The following ZNRF2 variants were observed in gnomAD, a reference collection of about 807,000 sequenced individuals.
ZNRF2 encodes zinc and ring finger 2.
ZNRF2 carries 16 observed loss-of-function variants against 20.4 expected under a neutral mutation model. The ratio of observed to expected loss-of-function variants is 0.79; its 90% CI spans 0.53 to 1.19. The LOEUF is 1.19. Ranked by LOEUF, ZNRF2 falls within the 50% of genes most tolerant of loss-of-function variation. ZNRF2 has a pLI of 0.00. For synonymous variants in ZNRF2, 178 were observed against 144.9 expected, an observed-to-expected ratio of 1.23 and a Z score of -1.64; for missense variants, 363 against 332.4, an observed-to-expected ratio of 1.09 and a Z score of -0.72.
intron 1 of ZNRF2, among the ~76,000 whole-genome samples, chr7:30,291,442 G>C (rs573825645): frequency 1.3e-5 from 2 of 152,280 alleles, no homozygotes; most frequent in East Asian, 3.9e-4. Context: ...GGAGGAGAGT[G>C]TGATAGCAGG....
chr7:30,330,715 A>G (rs1162031081), intron 2 of ZNRF2, among the ~76,000 whole-genome samples: 1 of 152,066 alleles, frequency 6.6e-6, no homozygotes, highest in African/African-American at 2.4e-5. Context: ...ACACATTTTA[A>G]TCTTTCTGAA....
chr7:30,299,537 G>T (rs1799074419), intron 1 of ZNRF2, among the ~76,000 whole-genome samples: 1 of 151,856 alleles, frequency 6.6e-6, no homozygotes, highest in South Asian at 2.1e-4. Context: ...AATTGCAAAA[G>T]AAATAGGAAT....
chr7:30,304,911 C>T (rs1019753852), intron 1 of ZNRF2, among the ~76,000 whole-genome samples: 5 of 151,918 alleles, frequency 3.3e-5, no homozygotes, highest in African/African-American at 7.3e-5. Flanking sequence ...ATTAGGACTT[C>T]GGCAAGCCAG....
chr7:30,334,302 A>G (rs192789479), intron 2 of ZNRF2, among the ~76,000 whole-genome samples: 8 of 152,174 alleles, frequency 5.3e-5, no homozygotes, highest in African/African-American at 7.2e-5. Context: ...TCAGTTGGTT[A>G]TAAGTATGTG....
intron 2 of ZNRF2, among the ~76,000 whole-genome samples, chr7:30,336,752 A>G (rs1363493285): frequency 6.6e-6 from 1 of 152,174 alleles, no homozygotes; most frequent in Non-Finnish European, 1.5e-5. Context: ...ATACTTCTCT[A>G]TATTTTAAAA....
chr7:30,304,757 T>G (rs1274630458), intron 1 of ZNRF2, among the ~76,000 whole-genome samples: 3 of 152,112 alleles, frequency 2.0e-5, no homozygotes, highest in Admixed American at 1.3e-4. Flanking sequence ...GAGAGCTGAT[T>G]GATGAAAATA....
intron 1 of ZNRF2, among the ~76,000 whole-genome samples, chr7:30,300,672 C>G (rs1799100156): frequency 6.6e-6 from 1 of 152,112 alleles, no homozygotes; most frequent in Admixed American, 6.6e-5. Flanking sequence ...TCCAAATCCC[C>G]AGGAAAAGGA....
intron 3 of ZNRF2, among the ~76,000 whole-genome samples, chr7:30,356,846 C>T (rs1028036548): frequency 6.6e-6 from 1 of 151,892 alleles, no homozygotes; most frequent in Non-Finnish European, 1.5e-5. Context: ...GCTGGGACTA[C>T]AGGCGCCTGC....
intron 1 of ZNRF2, among the ~76,000 whole-genome samples, chr7:30,308,482 A>C (rs1799242604): frequency 6.6e-6 from 1 of 152,174 alleles, no homozygotes; most frequent in African/African-American, 2.4e-5. Flanking sequence ...CTTGGGAGAA[A>C]TGCAAATCTG....
At chr7:30,349,191 C>G (rs962302300) in intron 2 of ZNRF2, among the ~76,000 whole-genome samples, 1 of 152,054 alleles carries the variant, frequency 6.6e-6, no homozygotes, top group African/African-American at 2.4e-5. Flanking sequence ...TATTAAAGAC[C>G]ATGTGAGATG....
chr7:30,297,725 C>T (rs1562604568), intron 1 of ZNRF2, among the ~76,000 whole-genome samples: 2 of 144,904 alleles, frequency 1.4e-5, no homozygotes, highest in Non-Finnish European at 3.0e-5. Flanking sequence ...GAGTCAGCTG[C>T]TTTCTGTGAT....
rs541343305 is a variant in ZNRF2, at chr7:30,285,800, C to G, written c.443C>G (p.Ala148Gly). 9.8e-6 allele frequency: 15 copies of G among 1,528,392 alleles called. No individual in the cohort carries two copies. The highest frequency in any genetic ancestry group is 1.2e-5 in the Non-Finnish European group (14 of 1,146,828). The allele number at this position is 1,528,392 out of a possible 1,614,324, so 94.7% of individuals were successfully genotyped here. A position where few individuals can be genotyped will look rare whatever the true frequency, so the allele number is the denominator to read the frequency against. Residue 148 changes from alanine to glycine, a missense_variant, in exon 1 of 5, where the codon GCT (alanine) becomes GGT (glycine). By Grantham distance (60) the Ala-to-Gly change is moderately conservative. Around this residue, in one of 2 missense-constraint regions of ZNRF2, gnomAD observed 302 missense variants for 231.5 expected, o/e 1.30. Coordinates refer to ENST00000323037, the MANE Select transcript of ZNRF2 (RefSeq NM_147128.4). ...GPRLVIGSLPAHLSPHMFGGF... is the reference protein window; with the variant it reads ...GPRLVIGSLPGHLSPHMFGGF... ...CGCCTGGTGATCGGCTCCTTACCAG[C>G]TCACCTCTCGCCGCACATGTTTGGA...
At position 30,301,424 on chromosome 7, in the gene ZNRF2, A is replaced by C. The variant is rs539696354; in HGVS notation, c.469+15598A>C. Among the ~76,000 whole-genome samples the C allele has an allele frequency of 1.1e-4, 16 of 152,302 alleles. No homozygotes were observed. The East Asian group carries it at 2.9e-3, about 28-fold the overall frequency. Reference sequence around the variant, plus strand: ...CTTAAACCCGGGTGGTGGAGGTTGCAGTGAGCCAAGATCACGCCACTGCAC... The same window carrying C: ...CTTAAACCCGGGTGGTGGAGGTTGCCGTGAGCCAAGATCACGCCACTGCAC... On this transcript the variant is annotated intron_variant, in intron 1 of 4. Coordinates refer to ENST00000323037, the MANE Select transcript of ZNRF2 (RefSeq NM_147128.4).
intron 1 of ZNRF2, among the ~76,000 whole-genome samples, chr7:30,297,048 T>A (rs1799031290): frequency 6.6e-6 from 1 of 152,216 alleles, no homozygotes; most frequent in Non-Finnish European, 1.5e-5. Context: ...CTTTTAATAA[T>A]TCAGAGTCCT....
At chr7:30,305,323 C>G (rs1799182795) in intron 1 of ZNRF2, among the ~76,000 whole-genome samples, 2 of 152,178 alleles carry the variant, frequency 1.3e-5, no homozygotes, top group South Asian at 4.2e-4. Context: ...TCTGAAGCTT[C>G]GAGCATTCTA....
At chr7:30,302,186 A>G (rs1799128265) in intron 1 of ZNRF2, among the ~76,000 whole-genome samples, 1 of 152,316 alleles carries the variant, frequency 6.6e-6, no homozygotes, top group African/African-American at 2.4e-5. Context: ...CAAGGACTAG[A>G]GAAAAGTGCT....
chr7:30,307,980 T>C (rs1201841745), intron 1 of ZNRF2, among the ~76,000 whole-genome samples: 7 of 152,150 alleles, frequency 4.6e-5, no homozygotes, highest in African/African-American at 1.7e-4. Flanking sequence ...CCAATGCACC[T>C]GTCATCCATG....
intron 3 of ZNRF2, among the ~76,000 whole-genome samples, chr7:30,356,695 T>G (rs1441356170): frequency 7.2e-6 from 1 of 137,964 alleles, no homozygotes; most frequent in African/African-American, 2.7e-5. Flanking sequence ...GTATATAACA[T>G]TGTATTTTTT....
chr7:30,362,029 G>T (rs1404995664), intron 3 of ZNRF2, among the ~76,000 whole-genome samples: 3 of 152,104 alleles, frequency 2.0e-5, no homozygotes, highest in Admixed American at 2.0e-4. Flanking sequence ...ACATGAACAG[G>T]TTGATAATGT....
Sources: allele counts gnomAD v4.1 joint callset (sites outside exome capture counted in the v4.1 genomes callset), GRCh38; gene constraint gnomAD v4.1.1; regional missense constraint gnomAD v4.1.1; transcripts MANE v1.5; gene names NCBI Gene and HGNC (gene_info 2026-07-23, HGNC 2026-07-21).